NWD2: variants seen among roughly 807,000 people sequenced by gnomAD.
The protein encoded by NWD2 is NACHT and WD repeat domain-containing protein 2.
In NWD2, 37 loss-of-function variants were observed where a neutral mutation model predicts 132.7. The observed-to-expected ratio is 0.28, with a 90% CI of 0.21 to 0.37. NWD2 has a LOEUF of 0.37. NWD2 is among the 10% of genes least tolerant of loss of function. The probability of loss-of-function intolerance (pLI) is 1.00; values close to 1 mark genes in which losing one functional copy is unlikely to be tolerated. For missense variants in NWD2, 1,592 were observed against 2,122.4 expected (o/e 0.75, Z 4.91); for synonymous variants, 705 against 803.0 (o/e 0.88, Z 2.06).
intron 3 of NWD2, among the ~76,000 whole-genome samples, chr4:37,417,944 G>T (rs1200152061): frequency 6.6e-6 from 1 of 152,124 alleles, no homozygotes; most frequent in Non-Finnish European, 1.5e-5. Context: ...TGTATATACA[G>T]AGGTTAGTAT....
At chr4:37,288,352 C>T (rs1718281020) in intron 1 of NWD2, among the ~76,000 whole-genome samples, 1 of 152,180 alleles carries the variant, frequency 6.6e-6, no homozygotes, top group Non-Finnish European at 1.5e-5. Flanking sequence ...TTTATGTCAA[C>T]AAAGATAAAG....
At chr4:37,363,493 G>A (rs1483533060) in intron 3 of NWD2, among the ~76,000 whole-genome samples, 4 of 152,180 alleles carry the variant, frequency 2.6e-5, no homozygotes, top group Non-Finnish European at 4.4e-5. Flanking sequence ...TAGCAACATG[G>A]ATGAAGCTGG....
At chr4:37,353,390 G>T (rs750656654) in intron 2 of NWD2, among the ~76,000 whole-genome samples, 1 of 152,124 alleles carries the variant, frequency 6.6e-6, no homozygotes, top group Non-Finnish European at 1.5e-5. Context: ...ATGTTGGCCT[G>T]TCTTACTAGG....
chr4:37,403,499 G>A (rs1720937580), intron 3 of NWD2, among the ~76,000 whole-genome samples: 1 of 152,178 alleles, frequency 6.6e-6, no homozygotes, highest in Non-Finnish European at 1.5e-5. Flanking sequence ...ACTCCTAGGA[G>A]TCAGATCCAG....
chr4:37,388,663 C>CATATATAAATATATATCGTATATATA (rs1720619291), intron 3 of NWD2, among the ~76,000 whole-genome samples: 1 of 143,976 alleles, frequency 6.9e-6, no homozygotes, highest in African/African-American at 2.6e-5. Flanking sequence ...TCATATATAT[C>CATATATAAATATATATCGTATATATA]ATATATAAAT....
At chr4:37,325,897 G>T in intron 1 of NWD2, 39 bp from the exon 2 acceptor site, 1 of 1,229,998 alleles carries the variant, frequency 8.1e-7, no homozygotes, top group Non-Finnish European at 1.2e-6. Flanking sequence ...CATATGTGTG[G>T]ACATACTCAC....
At chr4:37,305,300 C>G (rs936751877) in intron 1 of NWD2, among the ~76,000 whole-genome samples, 3 of 152,172 alleles carry the variant, frequency 2.0e-5, no homozygotes, top group African/African-American at 7.2e-5. Flanking sequence ...TGCCAAGGTC[C>G]CTGAAATTCC....
intron 2 of NWD2, among the ~76,000 whole-genome samples, chr4:37,343,467 G>C (rs770928346): frequency 4.6e-5 from 7 of 152,186 alleles, no homozygotes; most frequent in Non-Finnish European, 1.0e-4. Flanking sequence ...AGGCCAGTAA[G>C]GCTGGAGAAA....
At chr4:37,342,457 T>C (rs13340216) in intron 2 of NWD2, among the ~76,000 whole-genome samples, 1 of 152,168 alleles carries the variant, frequency 6.6e-6, no homozygotes, top group African/African-American at 2.4e-5. Flanking sequence ...TATTCCTTTA[T>C]AGCAACACAG....
At chr4:37,320,689 C>T (rs9686017) in intron 1 of NWD2, among the ~76,000 whole-genome samples, 3,776 of 152,154 alleles carry the variant, frequency 0.025, 153 homozygotes, top group African/African-American at 0.086. Flanking sequence ...AAACACAACC[C>T]CAGAAGTCGA....
chr4:37,313,695 T>G (rs889549352), intron 1 of NWD2, among the ~76,000 whole-genome samples: 6 of 150,958 alleles, frequency 4.0e-5, no homozygotes, highest in Admixed American at 3.3e-4. Flanking sequence ...TTTGTTTGTT[T>G]GTTTGTTGTT....
chr4:37,356,343 G>C lies in NWD2; in HGVS notation c.241-23G>C, dbSNP rs1429313516. Reference sequence around the variant, plus strand: ...AAACAAAGCCCACATGTAAACTAATGCTCTTCATCCATCTGTCCCCAGGTC... The same window carrying C: ...AAACAAAGCCCACATGTAAACTAATCCTCTTCATCCATCTGTCCCCAGGTC... On this transcript the variant is annotated intron_variant, in intron 2 of 6. Coordinates refer to ENST00000309447, the MANE Select transcript of NWD2 (RefSeq NM_001144990.2). 8.5e-6 allele frequency: 11 copies of C among 1,290,576 alleles called. No homozygotes were observed. In the East Asian group the frequency reaches 2.6e-4, roughly 30 times the overall value. 79.9% of individuals were successfully genotyped at this position (1,290,576 alleles called of 1,614,324 possible).
chr4:37,251,026 G>A (rs1717347890), intron 1 of NWD2, among the ~76,000 whole-genome samples: 2 of 152,238 alleles, frequency 1.3e-5, no homozygotes, highest in African/African-American at 4.8e-5. Flanking sequence ...TATAATCCCA[G>A]CACTTTGGGA....
At position 37,446,992 on chromosome 4, in the gene NWD2, T is replaced by G. The variant is rs1157573979; in HGVS notation, c.5004T>G (p.Asn1668Lys). The change falls in exon 7 of 7, where the codon AAT (asparagine) becomes AAG (lysine). Residue 1668 changes from asparagine to lysine, a missense_variant. Physicochemically the swap from Asn to Lys is moderately conservative, Grantham distance 94 (BLOSUM62 0). Around this residue, in one of 7 missense-constraint regions of NWD2, gnomAD observed 257 missense variants for 335.0 expected, o/e 0.77. Coordinates refer to ENST00000309447, the MANE Select transcript of NWD2 (RefSeq NM_001144990.2). This position sits in a 1 kb window ranked among gnomAD's most constrained non-coding sequence, Gnocchi z 6.7. ...CAAATAGCAGACAAATTTTCAACAA[T>G]GCAACACACACCTCCAGGCCAAAGT... ...ATSNSRQIFN[N>K]ATHTSRPKCN... is the part of the protein sequence containing the mutation. The G allele has an allele frequency of 3.0e-5, 47 of 1,551,676 alleles. No homozygotes were observed. In the East Asian group the frequency reaches 1.1e-3, roughly 36 times the overall value.
intron 3 of NWD2, among the ~76,000 whole-genome samples, chr4:37,392,417 A>G (rs1436675709): frequency 1.3e-5 from 2 of 152,070 alleles, no homozygotes; most frequent in African/African-American, 4.8e-5. Context: ...AGGCCAGATA[A>G]TTCTCTGCGG....
chr4:37,300,383 T>A (rs1160541490), intron 1 of NWD2, among the ~76,000 whole-genome samples: 2 of 152,168 alleles, frequency 1.3e-5, no homozygotes, highest in Non-Finnish European at 1.5e-5. Flanking sequence ...TAGTGGAGTG[T>A]AAAGTTCCAA....
In NWD2 at chr4:37,273,648, G is replaced by A. The variant is rs572207466; in HGVS notation, c.151+28430G>A. On this transcript the variant is annotated intron_variant, in intron 1 of 6. Coordinates refer to ENST00000309447, the MANE Select transcript of NWD2 (RefSeq NM_001144990.2). ...TATACATTCTTCTCAGCACCACATC[G>A]CACTTATTCCAAAATTGACCACATA... Among the ~76,000 whole-genome samples the A allele has an allele frequency of 6.6e-5, 10 of 151,876 alleles. No homozygotes were observed. In the East Asian group the frequency reaches 7.8e-4, roughly 12 times the overall value.
chr4:37,285,989 A>T (rs1466074742), intron 1 of NWD2, among the ~76,000 whole-genome samples: 5 of 152,216 alleles, frequency 3.3e-5, no homozygotes, highest in African/African-American at 1.2e-4. Flanking sequence ...ACACCAACTG[A>T]CATTAGGCCA....
chr4:37,382,540 G>C (rs975792511), intron 3 of NWD2, among the ~76,000 whole-genome samples: 1 of 152,130 alleles, frequency 6.6e-6, no homozygotes, highest in African/African-American at 2.4e-5. Flanking sequence ...AGTTTCCTCA[G>C]TGGTAATGTT....
Sources: allele counts gnomAD v4.1 joint callset (sites outside exome capture counted in the v4.1 genomes callset), GRCh38; gene constraint gnomAD v4.1.1; regional missense constraint gnomAD v4.1.1; non-coding constraint Gnocchi (gnomAD v3.1); transcripts MANE v1.5; gene names NCBI Gene and HGNC (gene_info 2026-07-23, HGNC 2026-07-21).